The following CAPS2 variants were observed in gnomAD, a reference collection of about 807,000 sequenced individuals.
CAPS2 encodes calcyphosin-2.
Under a neutral mutation model 86.5 loss-of-function variants are expected in CAPS2, and 98 were observed. That is an observed-to-expected ratio of 1.13 (90% CI 0.96 to 1.34). CAPS2 has a LOEUF of 1.34. CAPS2 is among the 40% of genes most tolerant of loss of function. The pLI is 0.00. For missense variants in CAPS2, 729 were observed against 686.8 expected, an observed-to-expected ratio of 1.06 and a Z score of -0.69; for synonymous variants, 210 against 225.1, an observed-to-expected ratio of 0.93 and a Z score of 0.60.
intron 6 of CAPS2, among the ~76,000 whole-genome samples, chr12:75,313,565 T>C (rs1032837667): frequency 1.3e-5 from 2 of 152,234 alleles, no homozygotes; most frequent in African/African-American, 2.4e-5. Context: ...TTTTAGGTCA[T>C]ATCTAACTGA....
At chr12:75,366,384 T>C (rs750024677) in intron 1 of CAPS2, among the ~76,000 whole-genome samples, 1 of 151,970 alleles carries the variant, frequency 6.6e-6, no homozygotes, top group Non-Finnish European at 1.5e-5. Context: ...GAAAAGAAAA[T>C]AGAGAAGTAG....
chr12:75,308,688 A>T (rs2038792171), intron 7 of CAPS2, among the ~76,000 whole-genome samples: 1 of 152,152 alleles, frequency 6.6e-6, no homozygotes, highest in Admixed American at 6.5e-5. Flanking sequence ...GCAGGAAAAT[A>T]GCAAAAGGAA....
At chr12:75,298,065 G>A (rs1021026646) in intron 11 of CAPS2, 9 of 152,208 alleles carry the variant, frequency 5.9e-5, no homozygotes, top group African/African-American at 1.7e-4. Context: ...ACAGATCTTA[G>A]GATAGAAACA....
chr12:75,368,560 G>A (rs1027528290), intron 1 of CAPS2, among the ~76,000 whole-genome samples: 10 of 151,122 alleles, frequency 6.6e-5, no homozygotes, highest in Non-Finnish European at 1.5e-5. Context: ...TTGGTCATGA[G>A]GTTTCCTTAA....
chr12:75,276,809 C>T (rs1332906827), downstream of CAPS2: 2 of 908,080 alleles, frequency 2.2e-6, no homozygotes, highest in African/African-American at 1.8e-5. Context: ...ATATACATAA[C>T]TATAAAATTC....
chr12:75,338,041 A>G (rs35933860), intron 1 of CAPS2, among the ~76,000 whole-genome samples: 9,007 of 152,186 alleles, frequency 0.059, 271 homozygotes, highest in African/African-American at 0.08. Context: ...GTGAATTCTA[A>G]GAGAAAAGCA....
chr12:75,287,306 C>A (rs970917360), intron 14 of CAPS2, among the ~76,000 whole-genome samples: 1 of 152,032 alleles, frequency 6.6e-6, no homozygotes, highest in East Asian at 1.9e-4. Context: ...GGAATCGTCT[C>A]CTGCCTTTCT....
chr12:75,378,129 C>G (rs1043875024), intron 1 of CAPS2, among the ~76,000 whole-genome samples: 2 of 152,002 alleles, frequency 1.3e-5, no homozygotes, highest in African/African-American at 4.8e-5. Context: ...TCCCGAGTAG[C>G]TGGGACCACT....
intron 1 of CAPS2, among the ~76,000 whole-genome samples, chr12:75,325,639 G>C (rs1350389144): frequency 2.6e-5 from 4 of 151,902 alleles, no homozygotes. Flanking sequence ...TTGTTTGTTT[G>C]TTTTGTTTTT....
At chr12:75,335,505 T>G (rs1422757497) in intron 1 of CAPS2, among the ~76,000 whole-genome samples, 1 of 152,212 alleles carries the variant, frequency 6.6e-6, no homozygotes, top group African/African-American at 2.4e-5. Flanking sequence ...TTTTCTTGTT[T>G]ATAAATGCAT....
At chr12:75,306,925 A>C (rs112274187) in intron 7 of CAPS2, among the ~76,000 whole-genome samples, 2,570 of 152,130 alleles carry the variant, frequency 0.017, 66 homozygotes, top group African/African-American at 0.052. Context: ...GATTCTTGTG[A>C]TATAATCCAA....
chr12:75,320,350 A>G (rs2040185419), intron 5 of CAPS2, among the ~76,000 whole-genome samples: 2 of 152,136 alleles, frequency 1.3e-5, no homozygotes, highest in African/African-American at 2.4e-5. Context: ...CGTTTTCCCA[A>G]CATCTGTACA....
intron 6 of CAPS2, among the ~76,000 whole-genome samples, chr12:75,314,092 G>A (rs924619374): frequency 2.0e-5 from 3 of 152,066 alleles, no homozygotes; most frequent in African/African-American, 7.2e-5. Context: ...GTTAACTTTT[G>A]TATTTTTAGT....
intron 14 of CAPS2, among the ~76,000 whole-genome samples, chr12:75,286,991 C>T (rs997278611): frequency 1.5e-4 from 22 of 151,260 alleles, no homozygotes; most frequent in African/African-American, 4.6e-4. Context: ...AATTACTAGA[C>T]GGGAATATGT....
intron 8 of CAPS2, among the ~76,000 whole-genome samples, chr12:75,300,727 G>A (rs1221509662): frequency 6.6e-6 from 1 of 152,010 alleles, no homozygotes; most frequent in East Asian, 1.9e-4. Flanking sequence ...GGGATGTGAT[G>A]CTAGGAGCCA....
chr12:75,347,692 C>T, intron 1 of CAPS2: 1 of 1,604,872 alleles, frequency 6.2e-7, no homozygotes, highest in Non-Finnish European at 8.5e-7. Context: ...GGAGCTTCAA[C>T]TGCAATATTT....
intron 1 of CAPS2, among the ~76,000 whole-genome samples, chr12:75,346,708 AT>A (rs951187214): frequency 6.6e-6 from 1 of 151,808 alleles, no homozygotes; most frequent in Non-Finnish European, 1.5e-5. Flanking sequence ...GCTGGTAAAT[AT>A]TTTTTTTGCT....
intron 1 of CAPS2, among the ~76,000 whole-genome samples, chr12:75,338,299 A>G (rs562356708): frequency 7.9e-5 from 12 of 152,276 alleles, no homozygotes; most frequent in African/African-American, 2.4e-4. Flanking sequence ...AAAATTAATC[A>G]ACATAATCAG....
At chr12:75,334,475 T>TCCAATC, upstream of CAPS2, 1 of 1,299,184 alleles carries the variant, frequency 7.7e-7, no homozygotes. Context: ...GCAGTTTGGA[T>TCCAATC]GGTTGAAATT....
Sources: allele counts gnomAD v4.1 joint callset (sites outside exome capture counted in the v4.1 genomes callset), GRCh38; gene constraint gnomAD v4.1.1; transcripts MANE v1.5; gene names NCBI Gene and HGNC (gene_info 2026-07-23, HGNC 2026-07-21).